Variants in KLHL8 observed in about 807,000 individuals in gnomAD.
KLHL8 encodes the protein kelch-like protein 8.
KLHL8 carries 38 observed loss-of-function variants against 63.5 expected under a neutral mutation model. The observed-to-expected ratio is 0.60, with a 90% CI of 0.46 to 0.78. The LOEUF (loss-of-function observed/expected upper bound fraction) is 0.78. Ranked by LOEUF, KLHL8 falls within the 30% of genes least tolerant of loss-of-function variation. KLHL8 has a pLI of 0.00. For synonymous variants in KLHL8, 224 were observed against 254.3 expected (o/e 0.88, Z 1.13); for missense variants, 566 against 752.4 (o/e 0.75, Z 2.90).
intron 2 of KLHL8, among the ~76,000 whole-genome samples, chr4:87,193,944 G>A (rs1314418129): frequency 6.6e-6 from 1 of 152,200 alleles, no homozygotes; most frequent in Non-Finnish European, 1.5e-5. Flanking sequence ...ATGAAGTAAA[G>A]GTGATCTTCC....
intron 1 of KLHL8, among the ~76,000 whole-genome samples, chr4:87,216,951 C>T (rs1443480455): frequency 1.3e-5 from 2 of 152,174 alleles, no homozygotes; most frequent in African/African-American, 4.8e-5. Flanking sequence ...CCCCCTTCCA[C>T]AGCTAAGGAA....
chr4:87,165,010 A>T (rs549084821), intron 8 of KLHL8, among the ~76,000 whole-genome samples: 4 of 151,608 alleles, frequency 2.6e-5, no homozygotes, highest in Middle Eastern at 3.4e-3. Context: ...TTAGCTGGGC[A>T]TGGTGGCGGG....
chr4:87,209,848 G>GGT (rs771433702), intron 1 of KLHL8, among the ~76,000 whole-genome samples: 2 of 105,384 alleles, frequency 1.9e-5, no homozygotes, highest in Non-Finnish European at 3.9e-5. Context: ...TCCGTTTTGG[G>GGT]TTTTTTTTTT....
intron 1 of KLHL8, among the ~76,000 whole-genome samples, chr4:87,238,703 A>G (rs1240871032): frequency 6.6e-6 from 1 of 152,228 alleles, no homozygotes; most frequent in Non-Finnish European, 1.5e-5. Flanking sequence ...TTATCATTGG[A>G]AAAATAAAAA....
intron 1 of KLHL8, among the ~76,000 whole-genome samples, chr4:87,234,418 C>T (rs950084328): frequency 2.1e-5 from 3 of 144,938 alleles, no homozygotes; most frequent in Admixed American, 7.0e-5. Context: ...AGCCTGGCAA[C>T]AGAGTGAGTC....
intron 1 of KLHL8, among the ~76,000 whole-genome samples, chr4:87,230,898 T>A (rs1200465319): frequency 6.6e-6 from 1 of 152,208 alleles, no homozygotes; most frequent in African/African-American, 2.4e-5. Flanking sequence ...TTAGGATTTT[T>A]TGCATAGTAT....
chr4:87,197,217 G>A (rs572275228), intron 1 of KLHL8, among the ~76,000 whole-genome samples: 1 of 68,096 alleles, frequency 1.5e-5, no homozygotes, highest in East Asian at 2.6e-4. Context: ...TCTAATTGAC[G>A]GAATGTGGGA....
At chr4:87,217,783 G>T (rs1206974326) in intron 1 of KLHL8, among the ~76,000 whole-genome samples, 1 of 151,780 alleles carries the variant, frequency 6.6e-6, no homozygotes, top group Admixed American at 6.6e-5. Context: ...ACCATGTGGG[G>T]CCCTTTAGTT....
intron 2 of KLHL8, among the ~76,000 whole-genome samples, chr4:87,189,597 G>A (rs2110002205): frequency 6.6e-6 from 1 of 151,958 alleles, no homozygotes; most frequent in South Asian, 2.1e-4. Flanking sequence ...CTTCATCATG[G>A]CTCGAGTGCC....
chr4:87,227,330 T>A (rs1560724173), intron 1 of KLHL8, among the ~76,000 whole-genome samples: 1 of 152,056 alleles, frequency 6.6e-6, no homozygotes, highest in South Asian at 2.1e-4. Context: ...TTAGTAGCCA[T>A]CTTGGACCAT....
intron 6 of KLHL8, 40 bp from the exon 7 acceptor site, chr4:87,170,655 T>C: frequency 6.4e-7 from 1 of 1,558,874 alleles, no homozygotes; most frequent in East Asian, 2.3e-5. Flanking sequence ...AATGAGTTTG[T>C]TTCCAGGAAA....
intron 1 of KLHL8, among the ~76,000 whole-genome samples, chr4:87,213,558 C>G (rs554584944): frequency 5.3e-5 from 8 of 152,156 alleles, no homozygotes; most frequent in Non-Finnish European, 1.0e-4. Context: ...GGCAGACTTT[C>G]AGAGGCTTAT....
intron 5 of KLHL8, 150 bp downstream of exon 5, chr4:87,178,327 C>T: frequency 2.6e-6 from 2 of 776,602 alleles, no homozygotes; most frequent in South Asian, 2.1e-5. Flanking sequence ...TCTGTGGGCA[C>T]AAAGCAAGTA....
intron 1 of KLHL8, among the ~76,000 whole-genome samples, chr4:87,215,885 T>C (rs1292774677): frequency 1.3e-5 from 2 of 152,210 alleles, no homozygotes; most frequent in East Asian, 3.8e-4. Flanking sequence ...GTCAAAGTGA[T>C]CATCAATTAG....
chr4:87,219,714 G>T, intron 1 of KLHL8: 1 of 152,658 alleles, frequency 6.6e-6, no homozygotes, highest in Non-Finnish European at 1.5e-5. Context: ...GTAAAGAGCT[G>T]TCATCGTGGC....
chr4:87,184,852 G>A (rs1482160189), intron 3 of KLHL8, among the ~76,000 whole-genome samples: 1 of 151,994 alleles, frequency 6.6e-6, no homozygotes, highest in Non-Finnish European at 1.5e-5. Context: ...TCCACATTAG[G>A]AATAACTATA....
chr4:87,188,436 TG>T (rs1731348096), intron 2 of KLHL8, among the ~76,000 whole-genome samples: 1 of 152,212 alleles, frequency 6.6e-6, no homozygotes, highest in Non-Finnish European at 1.5e-5. Flanking sequence ...TACAAATCAA[TG>T]GCCGGCAAGT....
At chr4:87,208,187 G>A in intron 1 of KLHL8, 1 of 341,986 alleles carries the variant, frequency 2.9e-6, no homozygotes, top group South Asian at 2.4e-5. Context: ...CCACTACACT[G>A]AGAATCTCCC....
intron 1 of KLHL8, among the ~76,000 whole-genome samples, chr4:87,234,891 T>C (rs1324957833): frequency 6.6e-6 from 1 of 152,140 alleles, no homozygotes; most frequent in Non-Finnish European, 1.5e-5. Flanking sequence ...CCTAGGCTAA[T>C]GTGTGCTTGT....
Sources: gnomAD v4.1 joint callset for allele counts (sites outside exome capture counted in the v4.1 genomes callset) on GRCh38, gnomAD v4.1.1 for gene constraint, MANE v1.5 for transcripts, NCBI Gene and HGNC (gene_info 2026-07-23, HGNC 2026-07-21) for gene names.